GAB1: variants seen among roughly 807,000 people sequenced by gnomAD.
GAB1 encodes GRB2-associated-binding protein 1.
A neutral mutation model predicts 66.5 loss-of-function variants in GAB1; 19 were observed. The ratio of observed to expected loss-of-function variants is 0.29; its 90% CI spans 0.20 to 0.42. GAB1 has a LOEUF of 0.42. GAB1 is among the 10% of genes least tolerant of loss of function. GAB1 has a pLI of 1.00. For synonymous variants in GAB1, 294 were observed against 301.4 expected, an observed-to-expected ratio of 0.98 and a Z score of 0.25; for missense variants, 732 against 858.5, an observed-to-expected ratio of 0.85 and a Z score of 1.84.
At chr4:143,377,082 A>T (rs546472823) in intron 1 of GAB1, among the ~76,000 whole-genome samples, 15 of 151,966 alleles carry the variant, frequency 9.9e-5, no homozygotes, top group Admixed American at 3.9e-4. Flanking sequence ...AATAATATTT[A>T]GATTTAGTCT....
intron 1 of GAB1, among the ~76,000 whole-genome samples, chr4:143,351,502 G>T (rs1167565612): frequency 1.3e-5 from 2 of 152,132 alleles, no homozygotes; most frequent in Non-Finnish European, 2.9e-5. Context: ...GGTCTGGGGG[G>T]TTTTTATAGG....
At chr4:143,459,897 A>G (rs1220593579) in intron 7 of GAB1, among the ~76,000 whole-genome samples, 1 of 152,190 alleles carries the variant, frequency 6.6e-6, no homozygotes, top group Non-Finnish European at 1.5e-5. Flanking sequence ...AGTACTGAGG[A>G]CTACTAATCT....
At chr4:143,398,795 C>T (rs1029719842) in intron 1 of GAB1, among the ~76,000 whole-genome samples, 2 of 152,058 alleles carry the variant, frequency 1.3e-5, no homozygotes, top group Non-Finnish European at 2.9e-5. Context: ...TGCTATGGCT[C>T]ACATCTGTAA....
intron 1 of GAB1, among the ~76,000 whole-genome samples, chr4:143,400,728 G>A (rs1731725631): frequency 6.6e-6 from 1 of 152,146 alleles, no homozygotes. Context: ...AGCACTTTGG[G>A]AGGCTGAGGC....
At chr4:143,435,953 A>G (rs1209302107) in intron 3 of GAB1, among the ~76,000 whole-genome samples, 1 of 152,220 alleles carries the variant, frequency 6.6e-6, no homozygotes, top group Non-Finnish European at 1.5e-5. Flanking sequence ...GCAGTGTTAG[A>G]AACGATGTTT....
intron 3 of GAB1, chr4:143,434,238 A>G: frequency 1.7e-6 from 1 of 604,346 alleles, no homozygotes; most frequent in South Asian, 1.9e-5. Context: ...AATATAGCAA[A>G]TTCCATGGAA....
chr4:143,382,301 T>A (rs982595117), intron 1 of GAB1, among the ~76,000 whole-genome samples: 11 of 152,252 alleles, frequency 7.2e-5, no homozygotes, highest in African/African-American at 2.7e-4. Flanking sequence ...GTATTATAGA[T>A]ATATTCTAAA....
Position 143,460,484 on chromosome 4 carries a change from C to T in GAB1, c.1800C>T (p.Asp600=). Reference sequence around the variant, plus strand: ...TGAACCCAAACCTGTCCAGTGAAGACCCAGTATGTAAAGTTTTAACTTTTC... The same window carrying T: ...TGAACCCAAACCTGTCCAGTGAAGATCCAGTATGTAAAGTTTTAACTTTTC... ...VPMNPNLSSE[D]PNLFGSNSLD... Residue 600 remains aspartate (D), a synonymous_variant, in exon 8 of 10, where the codon GAC becomes GAT. Transcript: ENST00000262994. The T allele has an allele frequency of 3.7e-6, 6 of 1,613,352 alleles. No homozygotes were observed. Among genetic ancestry groups the T allele is most frequent in the Non-Finnish European group, 4.2e-6 (5 of 1,179,544 alleles).
chr4:143,421,613 G>A (rs1560757651), intron 2 of GAB1, among the ~76,000 whole-genome samples: 1 of 149,542 alleles, frequency 6.7e-6, no homozygotes, highest in African/African-American at 2.4e-5. Context: ...ATCTTGTGGT[G>A]TTAATTTGCA....
intron 1 of GAB1, among the ~76,000 whole-genome samples, chr4:143,361,308 A>G (rs573281764): frequency 9.0e-4 from 137 of 152,316 alleles, no homozygotes; most frequent in Admixed American, 3.4e-3. Flanking sequence ...TTTAAGAAAT[A>G]TATTTCAGAA....
chr4:143,432,993 A>G (rs550765349), intron 2 of GAB1, among the ~76,000 whole-genome samples: 15 of 152,294 alleles, frequency 9.8e-5, no homozygotes, highest in Non-Finnish European at 2.1e-4. Context: ...AATTAGAAGT[A>G]TTTCTCTGTA....
chr4:143,436,735 AG>A (rs1434267668), intron 3 of GAB1, among the ~76,000 whole-genome samples: 1 of 152,208 alleles, frequency 6.6e-6, no homozygotes, highest in Non-Finnish European at 1.5e-5. Flanking sequence ...AGTCAACTTA[AG>A]AAGTAAATGG....
At chr4:143,433,800 A>G in intron 3 of GAB1, 84 bp downstream of exon 3, 1 of 1,138,534 alleles carries the variant, frequency 8.8e-7, no homozygotes, top group Non-Finnish European at 1.3e-6. Context: ...TAAACTTTTT[A>G]AATTTCGATT....
At chr4:143,420,262 A>G (rs1303623106) in intron 2 of GAB1, among the ~76,000 whole-genome samples, 2 of 152,112 alleles carry the variant, frequency 1.3e-5, no homozygotes, top group African/African-American at 4.8e-5. Context: ...TTCAGACTAG[A>G]TGTGAGAAGA....
At chr4:143,415,379 T>C (rs1457322642) in intron 1 of GAB1, 98 bp from the exon 2 acceptor site, 1 of 956,110 alleles carries the variant, frequency 1.0e-6, no homozygotes, top group Non-Finnish European at 1.5e-6. Context: ...TGACTTTCTC[T>C]AAACAATGCA....
At chr4:143,393,691 T>C (rs1460020202) in intron 1 of GAB1, among the ~76,000 whole-genome samples, 1 of 152,198 alleles carries the variant, frequency 6.6e-6, no homozygotes, top group Non-Finnish European at 1.5e-5. Context: ...ACCATTTTTC[T>C]GATTTCTGCA....
chr4:143,430,546 A>G (rs1733601027), intron 2 of GAB1, among the ~76,000 whole-genome samples: 1 of 152,198 alleles, frequency 6.6e-6, no homozygotes, highest in South Asian at 2.1e-4. Flanking sequence ...ACAATTTTGA[A>G]ACTGAAGTTT....
At chr4:143,465,884 A>C (rs1303171651) in intron 8 of GAB1, 6 of 379,026 alleles carry the variant, frequency 1.6e-5, no homozygotes, top group Non-Finnish European at 2.9e-5. Flanking sequence ...CTTAGTGTGA[A>C]CCAAGTTTAA....
chr4:143,467,790 T>G (rs1735870050), intron 9 of GAB1, among the ~76,000 whole-genome samples: 1 of 152,164 alleles, frequency 6.6e-6, no homozygotes, highest in African/African-American at 2.4e-5. Context: ...AGTTTCAGCA[T>G]CACCTCCAAT....
Sources: gnomAD v4.1 joint callset for allele counts (sites outside exome capture counted in the v4.1 genomes callset) on GRCh38, gnomAD v4.1.1 for gene constraint, MANE v1.5 for transcripts, NCBI Gene and HGNC (gene_info 2026-07-23, HGNC 2026-07-21) for gene names.